The following CD38 variants were observed in gnomAD, a reference collection of about 807,000 sequenced individuals.
CD38 encodes the protein CD38 molecule, also known as ADP-ribosyl cyclase/cyclic ADP-ribose hydrolase 1.
A neutral mutation model predicts 36.3 loss-of-function variants in CD38; 31 were observed. The observed-to-expected ratio is 0.85, with a 90% CI of 0.64 to 1.15. The LOEUF is 1.15. Ranked by LOEUF, CD38 falls within the 50% of genes most tolerant of loss-of-function variation. CD38 has a pLI of 0.00. For synonymous variants in CD38, 131 were observed against 135.2 expected, an observed-to-expected ratio of 0.97 and a Z score of 0.22; for missense variants, 380 against 371.9, an observed-to-expected ratio of 1.02 and a Z score of -0.18.
At chr4:15,841,342 C>A (rs1031114749) in intron 7 of CD38, among the ~76,000 whole-genome samples, 5 of 152,160 alleles carry the variant, frequency 3.3e-5, no homozygotes, top group African/African-American at 1.2e-4. Flanking sequence ...ATGTCACTAC[C>A]TTCTCTCACT....
At position 15,778,732 on chromosome 4, in the gene CD38, AC is replaced by A; in HGVS notation, c.233+87del. The A allele has an allele frequency of 1.0e-6, 1 of 963,822 alleles. No individual in the cohort carries two copies. Among genetic ancestry groups the A allele is most frequent in the Non-Finnish European group, 1.6e-6 (1 of 635,364 alleles). 59.7% of individuals were successfully genotyped at this position (963,822 alleles called of 1,614,324 possible). A position where few individuals can be genotyped will look rare whatever the true frequency, so the allele number is the denominator to read the frequency against. Reference sequence around the variant, plus strand: ...AGGGAAGCCGCCCGGATCGCCCGGAACCGGGCATCTTCCGTGGCGGGTCAGC... The same window carrying A: ...AGGGAAGCCGCCCGGATCGCCCGGAACGGGCATCTTCCGTGGCGGGTCAGC... On this transcript the variant is annotated intron_variant, in intron 1 of 7. Coordinates refer to ENST00000226279, the MANE Select transcript of CD38 (RefSeq NM_001775.4). The surrounding 1 kb of genome is among the most constrained non-coding windows in gnomAD (Gnocchi z 4.9).
Position 15,778,669 on chromosome 4 carries a change from A to C in CD38, c.233+22A>C, listed in dbSNP as rs1014041522. ...TGAGGTGGGTTGGCGACTAAGGCGC[A>C]CCGGTGGGCACTGCGGGGACAGCAG... is the stretch of plus-strand genomic sequence containing the variant. On this transcript the variant is annotated intron_variant, in intron 1 of 7. Coordinates refer to ENST00000226279, the MANE Select transcript of CD38 (RefSeq NM_001775.4). The surrounding 1 kb of genome is among the most constrained non-coding windows in gnomAD (Gnocchi z 4.9). 6 of 1,520,338 alleles carry C rather than the reference A, an allele frequency of 3.9e-6. No homozygotes were observed. Among genetic ancestry groups the C allele is most frequent in the Non-Finnish European group, 5.5e-6 (6 of 1,096,500 alleles). 94.2% of individuals were successfully genotyped at this position (1,520,338 alleles called of 1,614,324 possible).
chr4:15,794,945 G>A (rs1237474551), intron 1 of CD38, among the ~76,000 whole-genome samples: 4 of 152,182 alleles, frequency 2.6e-5, no homozygotes, highest in Admixed American at 1.3e-4. Flanking sequence ...TAGCTGTGTA[G>A]AAGACAGAAA....
chr4:15,780,085 T>C (rs922526051), intron 1 of CD38, among the ~76,000 whole-genome samples: 4 of 152,242 alleles, frequency 2.6e-5, no homozygotes, highest in African/African-American at 4.8e-5. Flanking sequence ...AGAAACATGA[T>C]GCAATGAAAA....
rs1328472710 is a variant in CD38, at chr4:15,852,119, A to T, written c.*3517A>T. ...CCTGTTACAACAACAGTGTCTCTCA[A>T]TCCACAGTAATTGCAGCATCCAGTA... is the stretch of plus-strand genomic sequence containing the variant. On this transcript the variant is annotated 3_prime_UTR_variant, in exon 8 of 8. Transcript: ENST00000226279. The T allele has an allele frequency of 6.6e-6, 1 of 152,216 alleles. No individual in the cohort carries two copies. The highest frequency in any genetic ancestry group is 6.5e-5 in the Admixed American group (1 of 15,280). 9.4% of individuals were successfully genotyped at this position (152,216 alleles called of 1,614,324 possible). A position where few individuals can be genotyped will look rare whatever the true frequency, so the allele number is the denominator to read the frequency against.
intron 1 of CD38, among the ~76,000 whole-genome samples, chr4:15,811,237 T>C (rs933577711): frequency 6.6e-6 from 1 of 150,678 alleles, no homozygotes; most frequent in Non-Finnish European, 1.5e-5. Flanking sequence ...ACTTTCTTGA[T>C]GGCGTCCTTT....
intron 1 of CD38, among the ~76,000 whole-genome samples, chr4:15,783,752 T>C (rs183864177): frequency 1.3e-5 from 2 of 152,328 alleles, no homozygotes; most frequent in East Asian, 1.9e-4. Flanking sequence ...TTCATGTTCA[T>C]GTCGATTTCT....
chr4:15,802,596 A>C (rs1723253684), intron 1 of CD38, among the ~76,000 whole-genome samples: 1 of 150,398 alleles, frequency 6.6e-6, no homozygotes, highest in Non-Finnish European at 1.5e-5. Flanking sequence ...TCCCTCTGTC[A>C]CACAGGTTGG....
rs746261556 is a variant in CD38, at chr4:15,838,158, A to C, written c.652A>C (p.Lys218Gln). The C allele has an allele frequency of 2.5e-6, 4 of 1,610,122 alleles. No individual in the cohort carries two copies. The highest frequency in any genetic ancestry group is 2.6e-6 in the Non-Finnish European group (3 of 1,176,418). Reference sequence around the variant, plus strand: ...TGGATCCCGCAGTAAAATCTTTGACAAAAACAGGTACACATTTATTTTGCA... The same window carrying C: ...TGGATCCCGCAGTAAAATCTTTGACCAAAACAGGTACACATTTATTTTGCA... Reference protein sequence around the residue: ...LNGSRSKIFDKNSTFGSVEVH... With the variant: ...LNGSRSKIFDQNSTFGSVEVH... The change falls in exon 5 of 8, where the codon AAA becomes CAA. Residue 218 changes from lysine (K) to glutamine (Q), a missense_variant. By Grantham distance (53) the Lys-to-Gln change is moderately conservative (BLOSUM62 1). Coordinates refer to ENST00000226279, the MANE Select transcript of CD38 (RefSeq NM_001775.4).
intron 7 of CD38, 36 bp from the exon 8 acceptor site, chr4:15,848,503 G>C (rs113397939): frequency 9.8e-6 from 15 of 1,536,522 alleles, no homozygotes; most frequent in Non-Finnish European, 1.4e-5. Context: ...TGTATCCTAC[G>C]GTCTCTTGAT....
chr4:15,813,214 A>C (rs907554933), intron 1 of CD38, among the ~76,000 whole-genome samples: 1 of 152,214 alleles, frequency 6.6e-6, no homozygotes, highest in African/African-American at 2.4e-5. Context: ...AAGGGGGAGC[A>C]TCCAGTCTTT....
chr4:15,794,295 T>G lies in CD38; in HGVS notation c.233+15648T>G, dbSNP rs112196378. On this transcript the variant is annotated intron_variant, in intron 1 of 7. Coordinates refer to ENST00000226279, the MANE Select transcript of CD38 (RefSeq NM_001775.4). Reference sequence around the variant, plus strand: ...AGCAGTACATATACATAGGGTTTAGTACTATCTGCAGTTTCAGGCATCACT... The same window carrying G: ...AGCAGTACATATACATAGGGTTTAGGACTATCTGCAGTTTCAGGCATCACT... Among the ~76,000 whole-genome samples the G allele has an allele frequency of 7.2e-3, 1,097 of 152,302 alleles. 16 individuals are homozygous for G. The highest frequency in any genetic ancestry group is 0.025 in the African/African-American group (1,039 of 41,558).
chr4:15,833,256 C>T (rs1180960643), intron 3 of CD38, among the ~76,000 whole-genome samples: 1 of 152,182 alleles, frequency 6.6e-6, no homozygotes, highest in Non-Finnish European at 1.5e-5. Flanking sequence ...CACAGAGTCT[C>T]ACCCAAGGCC....
intron 1 of CD38, among the ~76,000 whole-genome samples, chr4:15,787,251 G>T (rs561197859): frequency 8.3e-4 from 126 of 152,384 alleles, no homozygotes; most frequent in African/African-American, 3.0e-3. Flanking sequence ...CCAGCACGTT[G>T]TCTCCTCTCA....
chr4:15,834,187 AC>A (rs1168453421), intron 3 of CD38, 29 bp from the exon 4 acceptor site: 4 of 1,421,086 alleles, frequency 2.8e-6, no homozygotes, highest in Non-Finnish European at 1.0e-6. Context: ...TCTGTTTTCC[AC>A]TTTATTTTCT....
intron 1 of CD38, among the ~76,000 whole-genome samples, chr4:15,791,385 G>A (rs531120248): frequency 3.3e-5 from 1 of 30,402 alleles, no homozygotes; most frequent in Non-Finnish European, 5.6e-5. Flanking sequence ...CGGCCGCCCC[G>A]TCCGGGAGGT....
At chr4:15,803,856 A>G (rs1211501070) in intron 1 of CD38, among the ~76,000 whole-genome samples, 1 of 152,028 alleles carries the variant, frequency 6.6e-6, no homozygotes. Context: ...TTTTATGTCC[A>G]TGCGTACCCA....
intron 3 of CD38, among the ~76,000 whole-genome samples, chr4:15,826,807 A>G (rs1723862166): frequency 6.6e-6 from 1 of 152,132 alleles, no homozygotes; most frequent in Non-Finnish European, 1.5e-5. Context: ...TATCCCCACT[A>G]ACACCAGGTA....
intron 1 of CD38, among the ~76,000 whole-genome samples, chr4:15,794,511 C>T (rs1379489829): frequency 6.6e-6 from 1 of 152,140 alleles, no homozygotes; most frequent in Non-Finnish European, 1.5e-5. Context: ...GTATAATCAG[C>T]TTGTTCAAGT....
Sources: allele counts gnomAD v4.1 joint callset (sites outside exome capture counted in the v4.1 genomes callset), GRCh38; gene constraint gnomAD v4.1.1; non-coding constraint Gnocchi (gnomAD v3.1); transcripts MANE v1.5; gene names NCBI Gene and HGNC (gene_info 2026-07-23, HGNC 2026-07-21).